The following PEX2 variants were observed in gnomAD, a reference collection of about 807,000 sequenced individuals.
PEX2 encodes peroxisomal biogenesis factor 2, also known as peroxisome biogenesis factor 2.
A neutral mutation model predicts 25.2 loss-of-function variants in PEX2; 19 were observed. The ratio of observed to expected loss-of-function variants is 0.75; its 90% confidence interval spans 0.53 to 1.10. PEX2 has a LOEUF of 1.10. PEX2 is among the 50% of genes least tolerant of loss of function. The probability of loss-of-function intolerance (pLI) is 0.00; values close to 1 mark genes in which losing one functional copy is unlikely to be tolerated. For missense variants in PEX2, 347 were observed against 350.6 expected, an observed-to-expected ratio of 0.99 and a Z score of 0.08; for synonymous variants, 141 against 127.7, an observed-to-expected ratio of 1.10 and a Z score of -0.70.
chr8:76,994,043 T>C (rs756389183), intron 1 of PEX2, among the ~76,000 whole-genome samples: 31 of 151,146 alleles, frequency 2.1e-4, no homozygotes, highest in Non-Finnish European at 3.7e-4. Context: ...TAAATATGTT[T>C]AAGACAAAAT....
upstream of PEX2, chr8:77,000,372 A>AGTGTCGAGGACACTTCT (rs76189986): frequency 1.0e-5 from 2 of 194,880 alleles, no homozygotes; most frequent in Non-Finnish European, 2.1e-5. Context: ...AGGACACTAC[A>AGTGTCGAGGACACTTCT]AGTGTCGAGG....
intron 2 of PEX2, 150 bp downstream of exon 2, chr8:76,988,157 T>G (rs1273110288): frequency 6.6e-6 from 1 of 152,238 alleles, no homozygotes; most frequent in Admixed American, 6.5e-5. Context: ...AACAGATATA[T>G]GTGTCTATGA....
chr8:77,000,559 G>A (rs908227219), upstream of PEX2, among the ~76,000 whole-genome samples: 4 of 152,194 alleles, frequency 2.6e-5, no homozygotes, highest in Non-Finnish European at 5.9e-5. Context: ...GGAGCCCTCG[G>A]GCAGGTGGCT....
chr8:76,994,162 G>C (rs1807254017), intron 1 of PEX2, among the ~76,000 whole-genome samples: 1 of 152,084 alleles, frequency 6.6e-6, no homozygotes. Flanking sequence ...TATTTACTAA[G>C]AGCAGCAATA....
In PEX2 at chr8:76,981,221, A is replaced by G. The variant is rs533836425; in HGVS notation, c.*2040T>C. The G allele has an allele frequency of 2.6e-5, 4 of 152,414 alleles. No homozygotes were observed. Among genetic ancestry groups the G allele is most frequent in the Non-Finnish European group, 5.9e-5 (4 of 68,098 alleles). 9.4% of individuals were successfully genotyped at this position (152,414 alleles called of 1,614,324 possible). A position where few individuals can be genotyped will look rare whatever the true frequency, so the allele number is the denominator to read the frequency against. ...TGCAGTGGCTCATGCCTGTAATCCC[A>G]CAACTTTGGGAGGCCAGGGTAGGAG... is the stretch of plus-strand genomic sequence containing the variant. On this transcript the variant is annotated 3_prime_UTR_variant, in exon 4 of 4. Transcript: ENST00000357039.
chr8:77,000,294 G>C (rs1444734800), upstream of PEX2: 1 of 302,806 alleles, frequency 3.3e-6, no homozygotes, highest in Non-Finnish European at 6.4e-6. Context: ...CGGTTGGCCG[G>C]AAGAACTCTG....
At chr8:76,989,382 G>C in intron 1 of PEX2, among the ~76,000 whole-genome samples, 1 of 152,094 alleles carries the variant, frequency 6.6e-6, no homozygotes. Context: ...ACAAACTCCT[G>C]TTCATGTTGA....
At chr8:76,994,929 G>A (rs990593820) in intron 1 of PEX2, among the ~76,000 whole-genome samples, 1 of 152,136 alleles carries the variant, frequency 6.6e-6, no homozygotes, top group Non-Finnish European at 1.5e-5. Flanking sequence ...CCTTTGTGTA[G>A]TCAGATAGAT....
At position 76,982,167 on chromosome 8, in the gene PEX2, T is replaced by C. The variant is rs1806848381; in HGVS notation, c.*1094A>G. ...TTCAATGTTCAAGCTAATAATTCTA[T>C]ACCATTTTAAGAGTCTGAATTTACT... On this transcript the variant is annotated 3_prime_UTR_variant, in exon 4 of 4. Coordinates refer to ENST00000357039, the MANE Select transcript of PEX2 (RefSeq NM_000318.3). 6.6e-6 allele frequency: 1 copy of C among 152,204 alleles called. No individual in the cohort carries two copies. Among genetic ancestry groups the C allele is most frequent in the Admixed American group, 6.5e-5 (1 of 15,282 alleles). The allele number at this position is 152,204 out of a possible 1,614,324, so 9.4% of individuals were successfully genotyped here. A position where few individuals can be genotyped will look rare whatever the true frequency, so the allele number is the denominator to read the frequency against.
rs1806867139 is a variant in PEX2, at chr8:76,982,609, A to G, written c.*652T>C. The G allele has an allele frequency of 6.5e-6, 1 of 152,684 alleles. No individual in the cohort carries two copies. Among genetic ancestry groups the G allele is most frequent in the Admixed American group, 6.5e-5 (1 of 15,296 alleles). The allele number at this position is 152,684 out of a possible 1,614,324, so 9.5% of individuals were successfully genotyped here. A position where few individuals can be genotyped will look rare whatever the true frequency, so the allele number is the denominator to read the frequency against. ...GGTGGATCACCAGATCAGGAGATAG[A>G]GACCATCCTGGCTAACACAGTGAAC... On this transcript the variant is annotated 3_prime_UTR_variant, in exon 4 of 4. Transcript: ENST00000357039.
intron 1 of PEX2, among the ~76,000 whole-genome samples, chr8:76,993,302 A>T (rs1586076768): frequency 6.6e-6 from 1 of 152,148 alleles, no homozygotes; most frequent in Non-Finnish European, 1.5e-5. Context: ...GAAAAGAAAA[A>T]CTGCCGTTCT....
chr8:76,991,899 G>C (rs1807180553), intron 1 of PEX2, among the ~76,000 whole-genome samples: 2 of 152,266 alleles, frequency 1.3e-5, no homozygotes, highest in Middle Eastern at 3.4e-3. Context: ...TGTTGCTTTG[G>C]CTAGGGATGA....
Position 76,983,315 on chromosome 8 carries a change from G to C in PEX2, c.864C>G (p.His288Gln), listed in dbSNP as rs778231449. The change falls in exon 4 of 4, where the codon CAC (histidine) becomes CAG (glutamine). Residue 288 changes from histidine to glutamine, a missense_variant. Transcript: ENST00000357039. ...FTCPKCGTEVHSLQPLKSGIE... is the reference protein window; with the variant it reads ...FTCPKCGTEVQSLQPLKSGIE... ...TTCCTGATTTCAGTGGCTGCAGACT[G>C]TGTACTTCTGTGCCACACTTAGGAC... 1.2e-6 allele frequency: 2 copies of C among 1,613,920 alleles called. No individual in the cohort carries two copies. The highest frequency in any genetic ancestry group is 2.2e-5 in the South Asian group (2 of 91,084).
At chr8:76,994,694 G>GC (rs1807270628) in intron 1 of PEX2, among the ~76,000 whole-genome samples, 1 of 152,028 alleles carries the variant, frequency 6.6e-6, no homozygotes, top group South Asian at 2.1e-4. Context: ...TGCACCCCCT[G>GC]CCAGGCTATT....
intron 1 of PEX2, among the ~76,000 whole-genome samples, chr8:76,994,300 A>G (rs536561866): frequency 1.3e-5 from 2 of 152,308 alleles, no homozygotes; most frequent in East Asian, 3.9e-4. Context: ...AGGAAGAAGG[A>G]ATGTTTCAGG....
chr8:76,981,882 T>TA lies in PEX2; in HGVS notation c.*1378dup, dbSNP rs1202407161. ...AAACTACAAAACTTCTTCAGTATCT[T>TA]ACACTAAATTGAACCTAAATTAAAC... On this transcript the variant is annotated 3_prime_UTR_variant, in exon 4 of 4. Transcript: ENST00000357039. 1 of 152,220 alleles carries TA rather than the reference T, an allele frequency of 6.6e-6. No individual in the cohort carries two copies. Among genetic ancestry groups the TA allele is most frequent in the Non-Finnish European group, 1.5e-5 (1 of 68,044 alleles). The allele number at this position is 152,220 out of a possible 1,614,324, so 9.4% of individuals were successfully genotyped here.
At chr8:76,985,791 T>C (rs1806986344) in intron 3 of PEX2, among the ~76,000 whole-genome samples, 1 of 152,166 alleles carries the variant, frequency 6.6e-6, no homozygotes, top group South Asian at 2.1e-4. Context: ...CGACAAGTCA[T>C]TTCCCCTGAC....
At chr8:76,999,503 T>G (rs1418164357) in intron 1 of PEX2, among the ~76,000 whole-genome samples, 2 of 152,214 alleles carry the variant, frequency 1.3e-5, no homozygotes, top group Admixed American at 6.5e-5. Flanking sequence ...TATCTCTTCC[T>G]CCATAAGAAA....
In PEX2 at chr8:76,981,571, G is replaced by A. The variant is rs1439014346; in HGVS notation, c.*1690C>T. Reference sequence around the variant, plus strand: ...CAGCCTCCCTAAGTAGGGAGCCTGGGATTACAGGCATGAGCCATTGTGCTC... The same window carrying A: ...CAGCCTCCCTAAGTAGGGAGCCTGGAATTACAGGCATGAGCCATTGTGCTC... On this transcript the variant is annotated 3_prime_UTR_variant, in exon 4 of 4. Coordinates refer to ENST00000357039, the MANE Select transcript of PEX2 (RefSeq NM_000318.3). The A allele has an allele frequency of 6.6e-6, 1 of 152,096 alleles. No homozygotes were observed. 9.4% of individuals were successfully genotyped at this position (152,096 alleles called of 1,614,324 possible).
Sources: gnomAD v4.1 joint callset for allele counts (sites outside exome capture counted in the v4.1 genomes callset) on GRCh38, gnomAD v4.1.1 for gene constraint, MANE v1.5 for transcripts, NCBI Gene and HGNC (gene_info 2026-07-23, HGNC 2026-07-21) for gene names.